The following TNFRSF8 variants were observed in gnomAD, a reference collection of about 807,000 sequenced individuals.
The protein encoded by TNFRSF8 is TNF receptor superfamily member 8.
A neutral mutation model predicts 70.8 loss-of-function variants in TNFRSF8; 26 were observed. That is an observed-to-expected ratio of 0.37 (90% CI 0.27 to 0.51). The LOEUF (loss-of-function observed/expected upper bound fraction) is 0.51. Ranked by LOEUF, TNFRSF8 falls within the 20% of genes least tolerant of loss-of-function variation. The pLI is 0.94. For synonymous variants in TNFRSF8, 356 were observed against 339.2 expected, an observed-to-expected ratio of 1.05 and a Z score of -0.54; for missense variants, 720 against 807.9, an observed-to-expected ratio of 0.89 and a Z score of 1.32.
rs1641199753 is a variant in TNFRSF8, at chr1:12,088,909, T to C, written c.151+4358T>C. Among the ~76,000 whole-genome samples, 4 of 146,760 alleles carry C rather than the reference T, an allele frequency of 2.7e-5. No individual in the cohort carries two copies. Among genetic ancestry groups the C allele is most frequent in the Admixed American group, 2.0e-4 (3 of 14,806 alleles). On this transcript the variant is annotated intron_variant, in intron 2 of 14. Transcript: ENST00000263932. The surrounding 1 kb of genome is among the most constrained non-coding windows in gnomAD (Gnocchi z 4.0). The stretch of plus-strand genomic sequence containing the variant: ...TCCCCCGCCCAGTCCCTCTTCATCC[T>C]GGGCTTCAGCTGAGTGTGCTGGGCT...
chr1:12,129,714 G>T (rs533274678), intron 12 of TNFRSF8, among the ~76,000 whole-genome samples: 17 of 152,120 alleles, frequency 1.1e-4, no homozygotes, highest in Non-Finnish European at 1.9e-4. Context: ...TCTCTCTCAG[G>T]GCGTCCTGCC....
At chr1:12,097,477 G>T (rs1362686329) in intron 3 of TNFRSF8, among the ~76,000 whole-genome samples, 1 of 152,128 alleles carries the variant, frequency 6.6e-6, no homozygotes, top group Non-Finnish European at 1.5e-5. Flanking sequence ...CCTCACCACA[G>T]CCCTAGGGGA....
chr1:12,092,133 C>A (rs564923621), intron 2 of TNFRSF8, among the ~76,000 whole-genome samples: 35 of 152,300 alleles, frequency 2.3e-4, no homozygotes, highest in African/African-American at 7.9e-4. Context: ...ACATCTGTCT[C>A]TGTGTCCAAA....
chr1:12,084,424 T>TCACCA, intron 1 of TNFRSF8, 40 bp from the exon 2 acceptor site: 1 of 1,579,432 alleles, frequency 6.3e-7, no homozygotes, highest in Non-Finnish European at 8.7e-7. Flanking sequence ...TATGGATATC[T>TCACCA]GGGATCCACC....
Position 12,138,371 on chromosome 1 carries a change from GC to G in TNFRSF8, c.1482del (p.Ser495ArgfsTer26). On this transcript the variant is annotated frameshift_variant, in exon 14 of 15. Transcript: ENST00000263932. LOFTEE classifies it high-confidence loss of function. This position sits in a 1 kb window ranked among gnomAD's most constrained non-coding sequence, Gnocchi z 5.7. ...LPLQDASPAG[G>X]PSSPRDLPEP... ...CTGCAGGATGCCAGCCCGGCCGGGGGCCCCTCGTCCCCCAGGGACCTTCCTG... is the reference window on the plus strand; with the variant it reads ...CTGCAGGATGCCAGCCCGGCCGGGGGCCCTCGTCCCCCAGGGACCTTCCTG... 1 of 1,613,692 alleles carries G rather than the reference GC, an allele frequency of 6.2e-7. No homozygotes were observed. Among genetic ancestry groups the G allele is most frequent in the Non-Finnish European group, 8.5e-7 (1 of 1,179,882 alleles).
At position 12,104,387 on chromosome 1, in the gene TNFRSF8, G is replaced by C; in HGVS notation, c.277G>C (p.Val93Leu). The C allele has an allele frequency of 6.2e-7, 1 of 1,614,020 alleles. No individual in the cohort carries two copies. The highest frequency in any genetic ancestry group is 8.5e-7 in the Non-Finnish European group (1 of 1,180,000). ...CTGTCTGTGTCCCTTAGACGACCTCGTGGAGAAGACGCCGTGTGCATGGAA... is the reference window on the plus strand; with the variant it reads ...CTGTCTGTGTCCCTTAGACGACCTCCTGGAGAAGACGCCGTGTGCATGGAA... ...ACVTCSRDDL[V>L]EKTPCAWNSS... The change falls in exon 4 of 15, where the codon GTG becomes CTG. Residue 93 changes from valine (V) to leucine (L), a missense_variant. By Grantham distance (32) the Val-to-Leu change is conservative (BLOSUM62 1). Transcript: ENST00000263932.
At chr1:12,073,495 C>T (rs1472074577) in intron 1 of TNFRSF8, among the ~76,000 whole-genome samples, 1 of 150,730 alleles carries the variant, frequency 6.6e-6, no homozygotes, top group Non-Finnish European at 1.5e-5. Flanking sequence ...TTCCTTCCTT[C>T]CCTCCCTCCC....
intron 1 of TNFRSF8, among the ~76,000 whole-genome samples, chr1:12,081,929 A>G (rs1423795238): frequency 1.3e-5 from 2 of 151,962 alleles, no homozygotes; most frequent in Non-Finnish European, 2.9e-5. Context: ...GAAATGCTAC[A>G]AGGCTTCCTC....
At chr1:12,097,361 C>G (rs1422357062) in intron 3 of TNFRSF8, 144 bp downstream of exon 3, 2 of 591,070 alleles carry the variant, frequency 3.4e-6, no homozygotes, top group Non-Finnish European at 6.1e-6. Context: ...CAGTTTACCT[C>G]TCTGCATTTG....
At position 12,116,131 on chromosome 1, in the gene TNFRSF8, G is replaced by A. The variant is rs185551714; in HGVS notation, c.946+402G>A. On this transcript the variant is annotated intron_variant, in intron 8 of 14. Coordinates refer to ENST00000263932, the MANE Select transcript of TNFRSF8 (RefSeq NM_001243.5). ...TGAGTAGCTGGGGTTACAAGCATTC[G>A]CCACCACAGCCGGCTAATGTTGTAT... Among the ~76,000 whole-genome samples, 259 of 152,010 alleles carry A rather than the reference G, an allele frequency of 1.7e-3. 1 individual carries two copies. Among genetic ancestry groups the A allele is most frequent in the African/African-American group, 5.9e-3 (245 of 41,490 alleles).
rs1056731317 is a variant in TNFRSF8, at chr1:12,143,835, C to T, written c.*1304C>T. 3 of 152,228 alleles carry T rather than the reference C, an allele frequency of 2.0e-5. No individual in the cohort carries two copies. The highest frequency in any genetic ancestry group is 2.9e-5 in the Non-Finnish European group (2 of 68,052). 9.4% of individuals were successfully genotyped at this position (152,228 alleles called of 1,614,324 possible). ...AGGCCCGGGAAGGCTGCTGTTTACT[C>T]ATCGGGCAGCCACGTGCTCTCTGGA... On this transcript the variant is annotated 3_prime_UTR_variant, in exon 15 of 15. Transcript: ENST00000263932. The surrounding 1 kb of genome is among the most constrained non-coding windows in gnomAD (Gnocchi z 4.1).
Position 12,142,239 on chromosome 1 carries a change from T to C in TNFRSF8, c.1544-48T>C. On this transcript the variant is annotated intron_variant, in intron 14 of 14. Transcript: ENST00000263932. This position sits in a 1 kb window ranked among gnomAD's most constrained non-coding sequence, Gnocchi z 5.0. Reference sequence around the variant, plus strand: ...CTTCTCTGCCTCTTTGCTCCCATCCTGGCTGGTGCTCTGGCCTCCCTCGCT... The same window carrying C: ...CTTCTCTGCCTCTTTGCTCCCATCCCGGCTGGTGCTCTGGCCTCCCTCGCT... The C allele has an allele frequency of 6.6e-7, 1 of 1,514,820 alleles. No homozygotes were observed. 93.8% of individuals were successfully genotyped at this position (1,514,820 alleles called of 1,614,324 possible).
intron 1 of TNFRSF8, among the ~76,000 whole-genome samples, chr1:12,073,871 C>A (rs949522731): frequency 6.6e-6 from 1 of 152,092 alleles, no homozygotes; most frequent in Non-Finnish European, 1.5e-5. Flanking sequence ...GCTGGGACTT[C>A]AGGTGGGAGC....
At chr1:12,068,666 C>A (rs1446396247) in intron 1 of TNFRSF8, among the ~76,000 whole-genome samples, 1 of 152,106 alleles carries the variant, frequency 6.6e-6, no homozygotes, top group Non-Finnish European at 1.5e-5. Flanking sequence ...TGGTGACATG[C>A]AAGTATTCAT....
At chr1:12,080,430 C>A (rs1641044005) in intron 1 of TNFRSF8, 1 of 526,842 alleles carries the variant, frequency 1.9e-6, no homozygotes, top group Admixed American at 1.9e-5. Flanking sequence ...ACAGTGAATA[C>A]AAGTGTGTTG....
chr1:12,111,788 C>A, intron 6 of TNFRSF8, 110 bp from the exon 7 acceptor site: 1 of 832,066 alleles, frequency 1.2e-6, no homozygotes, highest in Admixed American at 1.9e-5. Context: ...AGCTGACATG[C>A]GGAGTTTGGG....
chr1:12,089,927 C>A (rs1457786693), intron 2 of TNFRSF8, among the ~76,000 whole-genome samples: 1 of 150,804 alleles, frequency 6.6e-6, no homozygotes, highest in Non-Finnish European at 1.5e-5. Context: ...CTTCCCCATC[C>A]ATCCATCCAT....
chr1:12,144,011 G>T lies in TNFRSF8; in HGVS notation c.*1480G>T, dbSNP rs983458239. 2.6e-5 allele frequency: 4 copies of T among 152,248 alleles called. No homozygotes were observed. Among genetic ancestry groups the T allele is most frequent in the African/African-American group, 9.6e-5 (4 of 41,460 alleles). The allele number at this position is 152,248 out of a possible 1,614,324, so 9.4% of individuals were successfully genotyped here. A position where few individuals can be genotyped will look rare whatever the true frequency, so the allele number is the denominator to read the frequency against. The stretch of plus-strand genomic sequence containing the variant: ...TTTGCCCAGTGTTTGTGCAAGGATG[G>T]AGTGGGTGTCTCTGCATCACCCACA... On this transcript the variant is annotated 3_prime_UTR_variant, in exon 15 of 15. Coordinates refer to ENST00000263932, the MANE Select transcript of TNFRSF8 (RefSeq NM_001243.5).
chr1:12,134,476 G>A (rs1163116834), intron 12 of TNFRSF8, among the ~76,000 whole-genome samples: 5 of 152,192 alleles, frequency 3.3e-5, no homozygotes, highest in African/African-American at 1.2e-4. Context: ...GTGCTTGGGC[G>A]TGACCTGGCC....
Sources: gnomAD v4.1 joint callset for allele counts (sites outside exome capture counted in the v4.1 genomes callset) on GRCh38, gnomAD v4.1.1 for gene constraint, Gnocchi (gnomAD v3.1) non-coding constraint, MANE v1.5 for transcripts, NCBI Gene and HGNC (gene_info 2026-07-23, HGNC 2026-07-21) for gene names.